Variants in ANK3 observed in about 807,000 individuals in gnomAD.
ANK3 encodes the protein ankyrin-3.
In ANK3, 57 loss-of-function variants were observed where a neutral mutation model predicts 370.9. The ratio of observed to expected loss-of-function variants is 0.15; its 90% confidence interval spans 0.12 to 0.19. The LOEUF (loss-of-function observed/expected upper bound fraction) is 0.19, where lower values mean the gene tolerates loss of function less well. ANK3 is among the 10% of genes least tolerant of loss of function. ANK3 has a pLI of 1.00. For missense variants in ANK3, 4,439 were observed against 5,302.1 expected, an observed-to-expected ratio of 0.84 and a Z score of 5.06; for synonymous variants, 1,929 against 1,946.3, an observed-to-expected ratio of 0.99 and a Z score of 0.23.
At chr10:60,267,134 T>C (rs1371922717) in intron 5 of ANK3, among the ~76,000 whole-genome samples, 7 of 152,208 alleles carry the variant, frequency 4.6e-5, no homozygotes, top group African/African-American at 1.7e-4. Flanking sequence ...TTTGGCAATA[T>C]CCCATCGTGT....
chr10:60,205,254 T>G (rs1368272823), intron 11 of ANK3, among the ~76,000 whole-genome samples: 1 of 152,158 alleles, frequency 6.6e-6, no homozygotes, highest in Non-Finnish European at 1.5e-5. Context: ...AGAGTAACCC[T>G]TACTTGAGAA....
At position 60,378,883 on chromosome 10, in the gene ANK3, GA is replaced by G. The variant is rs1034577609; in HGVS notation, c.114+10541del. 2.3e-3 allele frequency among the ~76,000 whole-genome samples: 341 copies of G among 147,014 alleles called. 1 individual carries two copies. The highest frequency in any genetic ancestry group is 3.6e-3 in the African/African-American group (145 of 40,020). Reference sequence around the variant, plus strand: ...TATCAAACTAAAAAGCCTCTGCACAGAAAAAAAAAATAAAAAACAATCAACA... The same window carrying G: ...TATCAAACTAAAAAGCCTCTGCACAGAAAAAAAAATAAAAAACAATCAACA... On this transcript the variant is annotated intron_variant, in intron 1 of 43. Coordinates refer to ENST00000280772, the MANE Select transcript of ANK3 (RefSeq NM_020987.5).
chr10:60,037,158 T>C (rs1313069430), intron 43 of ANK3, among the ~76,000 whole-genome samples: 1 of 152,204 alleles, frequency 6.6e-6, no homozygotes, highest in East Asian at 1.9e-4. Context: ...GCCACCATTA[T>C]GGCTTAGTTG....
intron 8 of ANK3, among the ~76,000 whole-genome samples, chr10:60,214,728 A>G (rs2096909189): frequency 6.6e-6 from 1 of 152,180 alleles, no homozygotes; most frequent in Non-Finnish European, 1.5e-5. Flanking sequence ...TCCATGATGT[A>G]AATGTACCAC....
At chr10:60,647,988 C>G (rs1451999405) in intron 1 of ANK3, among the ~76,000 whole-genome samples, 1 of 151,644 alleles carries the variant, frequency 6.6e-6, no homozygotes, top group Non-Finnish European at 1.5e-5. Context: ...GCTGGGACTA[C>G]AGGTGCCTGC....
At chr10:60,174,243 G>C (rs1200927722) in intron 18 of ANK3, among the ~76,000 whole-genome samples, 1 of 152,156 alleles carries the variant, frequency 6.6e-6, no homozygotes, top group African/African-American at 2.4e-5. Flanking sequence ...GCCCTAGAGC[G>C]GTGACTCTTG....
At chr10:60,395,165 A>G (rs1026401311) in intron 2 of ANK3, among the ~76,000 whole-genome samples, 8 of 152,352 alleles carry the variant, frequency 5.3e-5, no homozygotes, top group African/African-American at 1.9e-4. Context: ...GATATAACAT[A>G]CAGATCAAAT....
chr10:60,035,516 G>A (rs1345107009), intron 43 of ANK3, among the ~76,000 whole-genome samples: 1 of 151,818 alleles, frequency 6.6e-6, no homozygotes, highest in Non-Finnish European at 1.5e-5. Flanking sequence ...GCCTCCCGAA[G>A]TGCTGGGATT....
At chr10:60,254,347 T>G (rs2097707383) in intron 7 of ANK3, among the ~76,000 whole-genome samples, 1 of 152,062 alleles carries the variant, frequency 6.6e-6, no homozygotes, top group African/African-American at 2.4e-5. Flanking sequence ...AATGCATCAC[T>G]ACACAAACCA....
intron 2 of ANK3, among the ~76,000 whole-genome samples, chr10:60,563,124 G>A (rs2077377565): frequency 6.6e-6 from 1 of 151,940 alleles, no homozygotes. Context: ...TAAATTCACT[G>A]GGTTTTTAAA....
intron 1 of ANK3, among the ~76,000 whole-genome samples, chr10:60,362,133 G>A (rs7087958): frequency 0.61 from 92,850 of 151,366 alleles, 29,634 homozygotes; most frequent in South Asian, 0.77. Context: ...GTCCTATGTG[G>A]TCACTTTTAA....
At chr10:60,129,085 A>T (rs778383037) in intron 25 of ANK3, among the ~76,000 whole-genome samples, 1 of 152,254 alleles carries the variant, frequency 6.6e-6, no homozygotes, top group Non-Finnish European at 1.5e-5. Flanking sequence ...GTTTCCAAGC[A>T]CAGGTGTTGC....
intron 1 of ANK3, among the ~76,000 whole-genome samples, chr10:60,638,836 T>C (rs1039538478): frequency 1.3e-5 from 2 of 151,920 alleles, no homozygotes; most frequent in Non-Finnish European, 2.9e-5. Context: ...TTATCCTAAA[T>C]AAAGCACAGA....
At chr10:60,526,594 A>C (rs1324204681) in intron 2 of ANK3, among the ~76,000 whole-genome samples, 15 of 152,130 alleles carry the variant, frequency 9.9e-5, no homozygotes, top group Non-Finnish European at 1.5e-5. Flanking sequence ...TGTGGTAGGA[A>C]TATATTAGGA....
intron 1 of ANK3, among the ~76,000 whole-genome samples, chr10:60,306,414 C>A (rs1014871485): frequency 4.9e-5 from 7 of 142,890 alleles, no homozygotes; most frequent in Admixed American, 7.3e-5. Context: ...GAGTAGTATT[C>A]CACGGTGTAT....
chr10:60,389,330 T>A (rs2062873379), intron 1 of ANK3, 95 bp downstream of exon 1: 1 of 1,183,898 alleles, frequency 8.4e-7, no homozygotes, highest in East Asian at 2.3e-5. Context: ...CTACCCAGCA[T>A]GTAAAAATAA....
intron 2 of ANK3, among the ~76,000 whole-genome samples, chr10:60,574,259 G>A (rs1234169852): frequency 6.6e-6 from 1 of 152,154 alleles, no homozygotes; most frequent in African/African-American, 2.4e-5. Flanking sequence ...TTTACCCAGG[G>A]CTGAGCAGGC....
intron 2 of ANK3, among the ~76,000 whole-genome samples, chr10:60,437,652 G>A (rs1370657649): frequency 2.6e-5 from 4 of 152,292 alleles, no homozygotes; most frequent in South Asian, 4.1e-4. Context: ...TGGAATGCTC[G>A]AGCAGAAGGA....
chr10:60,149,465 G>A (rs1309398224), intron 23 of ANK3, among the ~76,000 whole-genome samples: 1 of 152,046 alleles, frequency 6.6e-6, no homozygotes, highest in African/African-American at 2.4e-5. Flanking sequence ...TTTGTTTGGG[G>A]CAAATAAAAA....
Sources: allele counts gnomAD v4.1 joint callset (sites outside exome capture counted in the v4.1 genomes callset), GRCh38; gene constraint gnomAD v4.1.1; transcripts MANE v1.5; gene names NCBI Gene and HGNC (gene_info 2026-07-23, HGNC 2026-07-21).